Variants in DLGAP2 observed in about 807,000 individuals in gnomAD.
DLGAP2 encodes the protein disks large-associated protein 2.
Under a neutral mutation model 100.3 loss-of-function variants are expected in DLGAP2, and 26 were observed. The ratio of observed to expected loss-of-function variants is 0.26; its 90% CI spans 0.19 to 0.36. The LOEUF is 0.36. Among genes scored for constraint, DLGAP2 ranks in the 10% least tolerant of loss-of-function variants. The pLI is 1.00. For missense variants in DLGAP2, 1,858 were observed against 1,453.2 expected (o/e 1.28, Z -4.53); for synonymous variants, 886 against 630.1 (o/e 1.41, Z -6.08).
At chr8:1,381,671 G>A (rs1331705257) in intron 3 of DLGAP2, among the ~76,000 whole-genome samples, 1 of 152,194 alleles carries the variant, frequency 6.6e-6, no homozygotes, top group Non-Finnish European at 1.5e-5. Context: ...AGGCCACTCA[G>A]TGTTTGCCTT....
intron 2 of DLGAP2, among the ~76,000 whole-genome samples, chr8:1,051,591 A>G (rs1802714352): frequency 6.6e-6 from 1 of 152,242 alleles, no homozygotes; most frequent in African/African-American, 2.4e-5. Context: ...TAGACTTGCT[A>G]CTATGTAATT....
At chr8:1,479,043 C>A (rs887258389) in intron 3 of DLGAP2, among the ~76,000 whole-genome samples, 2 of 152,238 alleles carry the variant, frequency 1.3e-5, no homozygotes, top group Admixed American at 1.3e-4. Flanking sequence ...GAAAGGAGCA[C>A]CTGCTTCCAG....
At chr8:1,572,215 C>A (rs1250739279) in intron 6 of DLGAP2, among the ~76,000 whole-genome samples, 1 of 84,340 alleles carries the variant, frequency 1.2e-5, no homozygotes, top group Non-Finnish European at 2.2e-5. Flanking sequence ...ACTGTGGGGG[C>A]ATCTGATGAG....
chr8:1,558,456 C>T (rs760004502), intron 5 of DLGAP2, among the ~76,000 whole-genome samples: 16 of 152,182 alleles, frequency 1.1e-4, no homozygotes, highest in Non-Finnish European at 1.8e-4. Context: ...GCCTTTGCCA[C>T]AGTCTCTGGG....
chr8:1,509,326 TCC>T (rs1800072178), intron 4 of DLGAP2, among the ~76,000 whole-genome samples: 3 of 71,826 alleles, frequency 4.2e-5, no homozygotes, highest in African/African-American at 1.5e-4. Context: ...CAAGACTCCG[TCC>T]AAAAAAAAAA....
intron 1 of DLGAP2, among the ~76,000 whole-genome samples, chr8:824,509 C>T (rs1010776666): frequency 3.9e-5 from 6 of 152,152 alleles, no homozygotes; most frequent in South Asian, 2.1e-4. Context: ...AGCAGTGTTA[C>T]GGGCAGCTTT....
At chr8:1,305,818 C>A (rs772978284) in intron 3 of DLGAP2, among the ~76,000 whole-genome samples, 9 of 152,212 alleles carry the variant, frequency 5.9e-5, no homozygotes, top group Non-Finnish European at 8.8e-5. Context: ...CACTCAACAG[C>A]AGATGACTGA....
chr8:856,428 T>A (rs975241968), intron 1 of DLGAP2, among the ~76,000 whole-genome samples: 1 of 152,118 alleles, frequency 6.6e-6, no homozygotes, highest in Non-Finnish European at 1.5e-5. Context: ...CCTGAGGTGA[T>A]CTGCCCACCT....
At position 911,088 on chromosome 8, in the gene DLGAP2, G is replaced by C. The variant is rs536206915; in HGVS notation, c.73+3122G>C. ...CTTTCATGACGAGTCGCTGTTTTCT[G>C]GGGCAAAGTGAACCCGTCTAAAGTT... is the stretch of plus-strand genomic sequence containing the variant. On this transcript the variant is annotated intron_variant, in intron 2 of 14. Coordinates refer to ENST00000637795, the MANE Select transcript of DLGAP2 (RefSeq NM_001346810.2). Among the ~76,000 whole-genome samples, 10 of 152,216 alleles carry C rather than the reference G, an allele frequency of 6.6e-5. No individual in the cohort carries two copies. The South Asian group carries it at 2.1e-3, about 32-fold the overall frequency.
chr8:1,302,418 C>T (rs34425071), intron 3 of DLGAP2: 1 of 121,154 alleles, frequency 8.3e-6, no homozygotes, highest in East Asian at 2.8e-4. Context: ...TGTGAGTTCC[C>T]GAGCTCTGCT....
chr8:1,487,958 T>C (rs1438783926), intron 3 of DLGAP2, among the ~76,000 whole-genome samples: 1 of 152,218 alleles, frequency 6.6e-6, no homozygotes, highest in East Asian at 1.9e-4. Context: ...GGACATTCAC[T>C]GTGAGGTGAA....
chr8:837,664 A>ATGTGTGTGTG (rs34602128), intron 1 of DLGAP2, among the ~76,000 whole-genome samples: 1 of 145,982 alleles, frequency 6.9e-6, no homozygotes, highest in African/African-American at 2.5e-5. Flanking sequence ...GTTTGTGTGT[A>ATGTGTGTGTG]TGTGTGTGTG....
chr8:790,018 T>C (rs1324672418), intron 1 of DLGAP2, among the ~76,000 whole-genome samples: 3 of 152,164 alleles, frequency 2.0e-5, no homozygotes, highest in Admixed American at 1.3e-4. Flanking sequence ...AATTCAGTCA[T>C]GGGACGGACG....
intron 2 of DLGAP2, among the ~76,000 whole-genome samples, chr8:1,139,718 G>C (rs559764692): frequency 2.0e-5 from 3 of 152,284 alleles, no homozygotes; most frequent in East Asian, 3.9e-4. Context: ...ACAGGCCCCT[G>C]TTATTTCAGG....
intron 3 of DLGAP2, among the ~76,000 whole-genome samples, chr8:1,453,039 G>GTAAC (rs1481631593): frequency 6.6e-6 from 1 of 152,158 alleles, no homozygotes; most frequent in Non-Finnish European, 1.5e-5. Flanking sequence ...ATCTGTGAAG[G>GTAAC]GTTAGACATT....
chr8:1,343,507 GC>G (rs1467871151), intron 3 of DLGAP2, among the ~76,000 whole-genome samples: 2 of 152,202 alleles, frequency 1.3e-5, no homozygotes, highest in Non-Finnish European at 2.9e-5. Context: ...ATGGCCCAGG[GC>G]CCAGGTAAGC....
intron 1 of DLGAP2, among the ~76,000 whole-genome samples, chr8:765,836 C>A (rs1262337752): frequency 6.6e-6 from 1 of 152,104 alleles, no homozygotes; most frequent in African/African-American, 2.4e-5. Flanking sequence ...CACAAACACA[C>A]CCCCACACAC....
chr8:1,652,137 C>G (rs970868874), intron 8 of DLGAP2, among the ~76,000 whole-genome samples: 2 of 152,204 alleles, frequency 1.3e-5, no homozygotes, highest in African/African-American at 4.8e-5. Context: ...ATTCCATAAA[C>G]CTGGTGCTAA....
chr8:1,187,163 G>A (rs1797523287), intron 2 of DLGAP2, among the ~76,000 whole-genome samples: 1 of 152,218 alleles, frequency 6.6e-6, no homozygotes, highest in South Asian at 2.1e-4. Flanking sequence ...TTTAACAATG[G>A]GGGCAATAGT....
Sources: allele counts gnomAD v4.1 joint callset (sites outside exome capture counted in the v4.1 genomes callset), GRCh38; gene constraint gnomAD v4.1.1; transcripts MANE v1.5; gene names NCBI Gene and HGNC (gene_info 2026-07-23, HGNC 2026-07-21).